The following SASH1 variants were observed in gnomAD, a reference collection of about 807,000 sequenced individuals.
SASH1 encodes the protein SAM and SH3 domain-containing protein 1.
Under a neutral mutation model 125.2 loss-of-function variants are expected in SASH1, and 44 were observed. That is an observed-to-expected ratio of 0.35 (90% CI 0.28 to 0.45). The LOEUF (loss-of-function observed/expected upper bound fraction) is 0.45. SASH1 is among the 20% of genes least tolerant of loss of function. SASH1 has a pLI of 1.00. For missense variants in SASH1, 1,426 were observed against 1,614.5 expected, an observed-to-expected ratio of 0.88 and a Z score of 2.00; for synonymous variants, 639 against 649.1, an observed-to-expected ratio of 0.98 and a Z score of 0.24.
At chr6:148,460,417 T>A (rs1430870659) in intron 4 of SASH1, among the ~76,000 whole-genome samples, 1 of 151,984 alleles carries the variant, frequency 6.6e-6, no homozygotes, top group Non-Finnish European at 1.5e-5. Flanking sequence ...GAATTTGGAT[T>A]ATGGGGCAAA....
At chr6:148,364,213 C>A (rs1342098534) in intron 1 of SASH1, among the ~76,000 whole-genome samples, 1 of 152,156 alleles carries the variant, frequency 6.6e-6, no homozygotes, top group African/African-American at 2.4e-5. Context: ...TTACACAGCC[C>A]AGCAGACATC....
chr6:148,319,769 C>T (rs1041363301), intron 1 of SASH1, among the ~76,000 whole-genome samples: 3 of 152,170 alleles, frequency 2.0e-5, no homozygotes, highest in African/African-American at 7.2e-5. Flanking sequence ...AAGTCTTGGC[C>T]TCCCAAAGTA....
At chr6:148,273,296 C>CTTTCTT (rs1779107801) in intron 1 of SASH1, among the ~76,000 whole-genome samples, 1 of 134,678 alleles carries the variant, frequency 7.4e-6, no homozygotes, top group South Asian at 2.4e-4. Context: ...TTCTTTCTTT[C>CTTTCTT]TTTTTTTTTT....
chr6:148,376,408 CAT>C (rs1256226175), intron 1 of SASH1, among the ~76,000 whole-genome samples: 2 of 152,062 alleles, frequency 1.3e-5, no homozygotes, highest in African/African-American at 4.8e-5. Context: ...CAACTGGTGT[CAT>C]ATGAATGAAG....
the SASH1 span, among the ~76,000 whole-genome samples, chr6:148,257,850 C>T: frequency 1.3e-5 from 2 of 152,078 alleles, no homozygotes; most frequent in Non-Finnish European, 1.5e-5. Flanking sequence ...ACGATGGTCT[C>T]GATCTCTTGA....
In SASH1 at chr6:148,459,731, T is replaced by A. The variant is rs553515284; in HGVS notation, c.387-8814T>A. On this transcript the variant is annotated intron_variant, in intron 4 of 19. Transcript: ENST00000367467. ...GCCGCTAATAATAGCTAGCTTATTT[T>A]ATTTAATTTTTTTAGTGCTTAGCAT... Among the ~76,000 whole-genome samples the A allele has an allele frequency of 4.4e-3, 589 of 132,716 alleles. 5 individuals carry two copies. The highest frequency in any genetic ancestry group is 0.019 in the African/African-American group (547 of 29,534). The allele number at this position is 132,716 out of a possible 152,430, so 87.1% of individuals were successfully genotyped here.
At chr6:148,344,577 A>G (rs1781459678) in intron 1 of SASH1, among the ~76,000 whole-genome samples, 1 of 152,066 alleles carries the variant, frequency 6.6e-6, no homozygotes, top group Non-Finnish European at 1.5e-5. Flanking sequence ...TATGCATGCA[A>G]TGTATATTTA....
chr6:148,194,674 A>G, the SASH1 span, among the ~76,000 whole-genome samples: 38 of 152,204 alleles, frequency 2.5e-4, no homozygotes, highest in Admixed American at 5.2e-4. Flanking sequence ...TTGGGAGGCC[A>G]AGGCGGGAGG....
In SASH1 at chr6:148,487,513, A is replaced by G. The variant is rs370279638; in HGVS notation, c.628-101A>G. On this transcript the variant is annotated intron_variant, in intron 7 of 19. Transcript: ENST00000367467. ...GTGCTGCGTGAGCACAAGATTATGA[A>G]CCAGGAACCTAGATGTATTATTTGA... is the stretch of plus-strand genomic sequence containing the variant. 66 of 819,910 alleles carry G rather than the reference A, an allele frequency of 8.0e-5. No homozygotes were observed. The East Asian group carries it at 9.3e-4, about 12-fold the overall frequency. The allele number at this position is 819,910 out of a possible 1,614,324, so 50.8% of individuals were successfully genotyped here.
At chr6:148,398,657 G>A (rs1784049345) in intron 2 of SASH1, among the ~76,000 whole-genome samples, 1 of 152,182 alleles carries the variant, frequency 6.6e-6, no homozygotes, top group South Asian at 2.1e-4. Context: ...CTGAAGCCCC[G>A]TTGTTTCTCT....
chr6:148,260,796 CTTTTT>C, the SASH1 span, among the ~76,000 whole-genome samples: 1 of 104,070 alleles, frequency 9.6e-6, no homozygotes, highest in Non-Finnish European at 1.8e-5. Flanking sequence ...CCTATAAGGG[CTTTTT>C]TTTTTTTTTT....
intron 8 of SASH1, among the ~76,000 whole-genome samples, chr6:148,490,300 C>T (rs1295724111): frequency 2.0e-5 from 3 of 151,978 alleles, no homozygotes; most frequent in African/African-American, 4.8e-5. Context: ...CCTCCACCTC[C>T]CAGGTTCCAG....
At chr6:148,531,486 A>T (rs945360074) in intron 12 of SASH1, 40 bp from the exon 13 acceptor site, 2 of 1,435,812 alleles carry the variant, frequency 1.4e-6, no homozygotes, top group Non-Finnish European at 1.8e-6. Context: ...ACACCTGTCC[A>T]CTCTGATGAA....
intron 1 of SASH1, among the ~76,000 whole-genome samples, chr6:148,368,762 A>ATG (rs1562357198): frequency 1.5e-5 from 2 of 131,386 alleles, no homozygotes; most frequent in African/African-American, 3.0e-5. Context: ...ATGCGCGCGC[A>ATG]CGCGCGCGCA....
intron 9 of SASH1, 30 bp downstream of exon 9, chr6:148,514,486 A>C: frequency 1.6e-6 from 2 of 1,217,662 alleles, no homozygotes; most frequent in Non-Finnish European, 2.2e-6. Context: ...AAAAAAAAAA[A>C]GGCAGACTCC....
intron 8 of SASH1, among the ~76,000 whole-genome samples, chr6:148,511,701 A>G (rs1245758667): frequency 6.6e-6 from 1 of 152,228 alleles, no homozygotes; most frequent in African/African-American, 2.4e-5. Flanking sequence ...GTAGGATTTT[A>G]TGAGGAAGGC....
intron 10 of SASH1, chr6:148,525,031 G>A (rs1781053907): frequency 4.6e-6 from 2 of 433,338 alleles, no homozygotes; most frequent in Non-Finnish European, 8.4e-6. Context: ...TAAAAAAAAT[G>A]GTTGGTTTTT....
upstream of SASH1, among the ~76,000 whole-genome samples, chr6:148,268,107 T>TAGAA: frequency 6.6e-6 from 1 of 152,214 alleles, no homozygotes; most frequent in East Asian, 1.9e-4. Context: ...CTGAACTTTC[T>TAGAA]AGTTCAGGAA....
intron 1 of SASH1, among the ~76,000 whole-genome samples, chr6:148,337,427 C>T (rs974033676): frequency 4.6e-5 from 7 of 152,090 alleles, no homozygotes; most frequent in African/African-American, 1.4e-4. Flanking sequence ...GGTTTCACCA[C>T]GTTAGCCAGG....
Sources: gnomAD v4.1 joint callset for allele counts (sites outside exome capture counted in the v4.1 genomes callset) on GRCh38, gnomAD v4.1.1 for gene constraint, MANE v1.5 for transcripts, NCBI Gene and HGNC (gene_info 2026-07-23, HGNC 2026-07-21) for gene names.